TGFBR2: variants seen among roughly 807,000 people sequenced by gnomAD.
TGFBR2 encodes transforming growth factor beta receptor 2.
A neutral mutation model predicts 49.0 loss-of-function variants in TGFBR2; 18 were observed. The ratio of observed to expected loss-of-function variants is 0.37; its 90% CI spans 0.25 to 0.54. The LOEUF (loss-of-function observed/expected upper bound fraction) is 0.54, where lower values mean the gene tolerates loss of function less well. TGFBR2 is among the 20% of genes least tolerant of loss of function. The pLI, the probability that TGFBR2 is intolerant of heterozygous loss-of-function variation, is 0.85. For synonymous variants in TGFBR2, 282 were observed against 275.9 expected, an observed-to-expected ratio of 1.02 and a Z score of -0.22; for missense variants, 525 against 722.6, an observed-to-expected ratio of 0.73 and a Z score of 3.13.
intron 1 of TGFBR2, among the ~76,000 whole-genome samples, chr3:30,610,206 A>G (rs566983095): frequency 6.6e-6 from 1 of 152,334 alleles, no homozygotes; most frequent in South Asian, 2.1e-4. Flanking sequence ...TTGCCATTGA[A>G]TTTAACAGCT....
At chr3:30,665,600 A>G (rs1575154914) in intron 3 of TGFBR2, among the ~76,000 whole-genome samples, 1 of 152,192 alleles carries the variant, frequency 6.6e-6, no homozygotes, top group Non-Finnish European at 1.5e-5. Context: ...CAGCATCCAC[A>G]GTTGTCCATG....
intron 5 of TGFBR2, among the ~76,000 whole-genome samples, chr3:30,681,529 T>TA (rs1699540271): frequency 1.3e-5 from 2 of 152,108 alleles, no homozygotes; most frequent in African/African-American, 4.8e-5. Context: ...AAGAGCCTTT[T>TA]GAGACAAATT....
chr3:30,651,485 CT>C (rs1698885894), intron 3 of TGFBR2, among the ~76,000 whole-genome samples: 1 of 152,166 alleles, frequency 6.6e-6, no homozygotes, highest in South Asian at 2.1e-4. Flanking sequence ...TTTTGCAACA[CT>C]TTTTTATACC....
At chr3:30,628,520 G>A (rs1261929011) in intron 1 of TGFBR2, among the ~76,000 whole-genome samples, 6 of 128,476 alleles carry the variant, frequency 4.7e-5, no homozygotes, top group Non-Finnish European at 8.2e-5. Context: ...CTTTGAAAAA[G>A]CCTGTGGGTT....
intron 5 of TGFBR2, among the ~76,000 whole-genome samples, chr3:30,687,634 C>T (rs1179832948): frequency 6.6e-6 from 1 of 152,168 alleles, no homozygotes; most frequent in Admixed American, 6.5e-5. Flanking sequence ...AGTTTACTGG[C>T]ATTAAGTACC....
intron 1 of TGFBR2, among the ~76,000 whole-genome samples, 184 bp downstream of exon 1, chr3:30,607,161 AAAGAG>A (rs1410995111): frequency 2.6e-5 from 4 of 152,150 alleles, no homozygotes; most frequent in Admixed American, 6.5e-5. Flanking sequence ...TTTTCTTGAA[AAAGAG>A]AAGGAAAGTT....
chr3:30,662,816 A>C (rs1575153418), intron 3 of TGFBR2, among the ~76,000 whole-genome samples: 3 of 152,316 alleles, frequency 2.0e-5, no homozygotes, highest in African/African-American at 7.2e-5. Context: ...CCACTAAGAA[A>C]TTTTTTGTAG....
chr3:30,679,682 A>T (rs1025314009), intron 5 of TGFBR2, among the ~76,000 whole-genome samples: 1 of 152,234 alleles, frequency 6.6e-6, no homozygotes, highest in Non-Finnish European at 1.5e-5. Context: ...TACTGTTATT[A>T]ATCCCATTTT....
At chr3:30,674,326 AG>A (rs1323095545) in intron 5 of TGFBR2, 80 bp downstream of exon 5, 2 of 1,565,150 alleles carry the variant, frequency 1.3e-6, no homozygotes, top group Non-Finnish European at 1.8e-6. Context: ...GCATTATTCC[AG>A]GGGTTACAAA....
At chr3:30,647,064 G>A (rs747381689) in intron 2 of TGFBR2, among the ~76,000 whole-genome samples, 1 of 152,110 alleles carries the variant, frequency 6.6e-6, no homozygotes, top group Non-Finnish European at 1.5e-5. Context: ...TATAGGGTAC[G>A]CTATAGTGCC....
intron 5 of TGFBR2, among the ~76,000 whole-genome samples, chr3:30,687,455 G>C (rs140122369): frequency 1.3e-5 from 2 of 151,910 alleles, no homozygotes; most frequent in Non-Finnish European, 1.5e-5. Flanking sequence ...TCAAACTCCC[G>C]GAGTCAAGAT....
At chr3:30,671,326 C>A (rs1699332456) in intron 3 of TGFBR2, among the ~76,000 whole-genome samples, 1 of 152,056 alleles carries the variant, frequency 6.6e-6, no homozygotes, top group Non-Finnish European at 1.5e-5. Flanking sequence ...TGAATTGTTA[C>A]CTAGGAAAAG....
At chr3:30,657,030 G>A (rs1416905192) in intron 3 of TGFBR2, among the ~76,000 whole-genome samples, 1 of 152,254 alleles carries the variant, frequency 6.6e-6, no homozygotes, top group Middle Eastern at 3.4e-3. Flanking sequence ...CCGTGAATTG[G>A]CTCCTCCAGA....
rs151193066 is a variant in TGFBR2, at chr3:30,616,348, G to T, written c.94+9371G>T. On this transcript the variant is annotated intron_variant, in intron 1 of 6. Transcript: ENST00000295754. ...CCCTTCATCATTTTCCTACTTTAGAGCCCCATGCCAAGTAGAAAAGAAGTT... is the reference window on the plus strand; with the variant it reads ...CCCTTCATCATTTTCCTACTTTAGATCCCCATGCCAAGTAGAAAAGAAGTT... Among the ~76,000 whole-genome samples the T allele has an allele frequency of 1.8e-3, 267 of 152,260 alleles. 2 individuals carry two copies. Among genetic ancestry groups the T allele is most frequent in the African/African-American group, 6.0e-3 (250 of 41,556 alleles).
chr3:30,633,364 T>A (rs1321112967), intron 1 of TGFBR2, among the ~76,000 whole-genome samples: 2 of 152,202 alleles, frequency 1.3e-5, no homozygotes, highest in Non-Finnish European at 2.9e-5. Context: ...ATCACATAGA[T>A]CTGATTTCTA....
At chr3:30,680,056 C>T (rs1020855722) in intron 5 of TGFBR2, among the ~76,000 whole-genome samples, 1 of 152,144 alleles carries the variant, frequency 6.6e-6, no homozygotes, top group Admixed American at 6.5e-5. Context: ...ACCCGGGAGG[C>T]GGAGGTTGCA....
At position 30,642,180 on chromosome 3, in the gene TGFBR2, A is replaced by G. The variant is rs566268344; in HGVS notation, c.95-2567A>G. 8.5e-4 allele frequency among the ~76,000 whole-genome samples: 129 copies of G among 152,284 alleles called. 1 individual carries two copies. Among genetic ancestry groups the G allele is most frequent in the Admixed American group, 2.6e-3 (40 of 15,290 alleles). Reference sequence around the variant, plus strand: ...CTGGCCAGCACGGAGAAGAATTTCTATCTGAGGTGTGAAAGAGCTAATCAC... The same window carrying G: ...CTGGCCAGCACGGAGAAGAATTTCTGTCTGAGGTGTGAAAGAGCTAATCAC... On this transcript the variant is annotated intron_variant, in intron 1 of 6. Coordinates refer to ENST00000295754, the MANE Select transcript of TGFBR2 (RefSeq NM_003242.6).
At chr3:30,687,574 C>CA (rs1430401857) in intron 5 of TGFBR2, among the ~76,000 whole-genome samples, 1 of 152,080 alleles carries the variant, frequency 6.6e-6, no homozygotes, top group Non-Finnish European at 1.5e-5. Flanking sequence ...TTTTCTGTAG[C>CA]AAAATAGGCA....
intron 3 of TGFBR2, among the ~76,000 whole-genome samples, chr3:30,665,390 G>A (rs1185712088): frequency 6.6e-6 from 1 of 152,190 alleles, no homozygotes; most frequent in African/African-American, 2.4e-5. Flanking sequence ...CTGTAAAACG[G>A]GGGTAAGAGA....
Sources: gnomAD v4.1 joint callset for allele counts (sites outside exome capture counted in the v4.1 genomes callset) on GRCh38, gnomAD v4.1.1 for gene constraint, MANE v1.5 for transcripts, NCBI Gene and HGNC (gene_info 2026-07-23, HGNC 2026-07-21) for gene names.